PSG3: variants seen among roughly 807,000 people sequenced by gnomAD.
PSG3 encodes pregnancy specific beta-1-glycoprotein 3, also known as pregnancy-specific beta-1-glycoprotein 3.
Under a neutral mutation model 47.5 loss-of-function variants are expected in PSG3, and 61 were observed. The observed-to-expected ratio is 1.28, with a 90% CI of 1.05 to 1.59. PSG3 has a LOEUF of 1.59. PSG3 is among the 40% of genes most tolerant of loss of function. The pLI, the probability that PSG3 is intolerant of heterozygous loss-of-function variation, is 0.00. For missense variants in PSG3, 756 were observed against 524.0 expected (o/e 1.44, Z -4.32); for synonymous variants, 263 against 198.4 (o/e 1.33, Z -2.74).
intron 5 of PSG3, among the ~76,000 whole-genome samples, chr19:42,728,276 A>C (rs141872160): frequency 6.6e-6 from 1 of 152,086 alleles, no homozygotes; most frequent in African/African-American, 2.4e-5. Flanking sequence ...TAAAGTGTCC[A>C]GTAGTCTTAC....
In PSG3 at chr19:42,721,783, A is replaced by C. The variant is rs1353745536; in HGVS notation, c.*348T>G. The stretch of plus-strand genomic sequence containing the variant: ...TACTTTACCAATTGCTGAAGAAAAA[A>C]AGTGCATAAATCTGGAGAATAAAAC... On this transcript the variant is annotated 3_prime_UTR_variant, in exon 7 of 7. Coordinates refer to ENST00000327495, the MANE Select transcript of PSG3 (RefSeq NM_021016.4). The C allele has an allele frequency of 2.5e-6, 1 of 407,198 alleles. No homozygotes were observed. The highest frequency in any genetic ancestry group is 4.4e-6 in the Non-Finnish European group (1 of 224,886). The allele number at this position is 407,198 out of a possible 1,614,324, so 25.2% of individuals were successfully genotyped here. A position where few individuals can be genotyped will look rare whatever the true frequency, so the allele number is the denominator to read the frequency against.
intron 1 of PSG3, chr19:42,739,584 T>G (rs766755616): frequency 6.0e-6 from 1 of 166,456 alleles, no homozygotes; most frequent in African/African-American, 2.4e-5. Flanking sequence ...CAGGGACTTT[T>G]GTGATCTTCT....
chr19:42,729,778 A>G lies in PSG3; in HGVS notation c.988T>C (p.Tyr330His). ...RSYPVTLNVLYGPDLPRIYPS... is the reference protein window; with the variant it reads ...RSYPVTLNVLHGPDLPRIYPS... ...CCACAGAGGAACAAAAGATACTCAC[A>G]GAGGACATTCAGGGTGACTGGGTAA... Residue 330 changes from tyrosine (Y) to histidine (H), a missense_variant and splice_region_variant, in exon 4 of 7, where the codon TAT becomes CAT. Transcript: ENST00000327495. The G allele has an allele frequency of 6.2e-7, 1 of 1,613,586 alleles. No individual in the cohort carries two copies. The highest frequency in any genetic ancestry group is 8.5e-7 in the Non-Finnish European group (1 of 1,179,744).
rs766886576 is a variant in PSG3, at chr19:42,729,997, C to A, written c.769G>T (p.Val257Phe). The A allele has an allele frequency of 1.2e-5, 19 of 1,612,336 alleles. No individual in the cohort carries two copies. The South Asian group carries it at 1.8e-4, about 15-fold the overall frequency. ...NNLNPRENKDVLAFTCEPKSE... is the reference protein window; with the variant it reads ...NNLNPRENKDFLAFTCEPKSE... ...TTAGGTTCACAGGTGAAGGCTAAGA[C>A]ATCCTTATTCTCCCTGGGGTTTAAG... The change falls in exon 4 of 7, where the codon GTC becomes TTC. Residue 257 changes from valine to phenylalanine, a missense_variant. Coordinates refer to ENST00000327495, the MANE Select transcript of PSG3 (RefSeq NM_021016.4).
intron 6 of PSG3, 28 bp downstream of exon 6, chr19:42,723,914 A>G: frequency 6.6e-7 from 1 of 1,514,764 alleles, no homozygotes; most frequent in Non-Finnish European, 9.2e-7. Flanking sequence ...CCCTGCAGGA[A>G]CCAGGATAAG....
In PSG3 at chr19:42,738,876, G is replaced by C. The variant is rs138626640; in HGVS notation, c.278C>G (p.Pro93Arg). The C allele has an allele frequency of 1.2e-4, 192 of 1,614,080 alleles. 1 individual carries two copies. The African/African-American group carries it at 2.4e-3, about 20-fold the overall frequency. ...TACTGTTTCTCGTCCACTGTATGCA[G>C]GCCCATATATAATTATTTGACCATC... ...VVDGQIIIYG[P>R]AYSGRETVYS... The change falls in exon 2 of 7, where the codon CCT becomes CGT. Residue 93 changes from proline to arginine, a missense_variant. Physicochemically the swap from Pro to Arg is moderately radical, Grantham distance 103. Coordinates refer to ENST00000327495, the MANE Select transcript of PSG3 (RefSeq NM_021016.4).
At position 42,738,864 on chromosome 19, in the gene PSG3, C is replaced by T; in HGVS notation, c.290G>A (p.Gly97Glu). The T allele has an allele frequency of 1.9e-6, 3 of 1,614,148 alleles. No individual in the cohort carries two copies. Among genetic ancestry groups the T allele is most frequent in the Non-Finnish European group, 2.5e-6 (3 of 1,180,010 alleles). ...TGCATTGGAATATACTGTTTCTCGT[C>T]CACTGTATGCAGGCCCATATATAAT... is the stretch of plus-strand genomic sequence containing the variant. ...QIIIYGPAYSGRETVYSNASL... is the reference protein window; with the variant it reads ...QIIIYGPAYSERETVYSNASL... Residue 97 changes from glycine to glutamate, a missense_variant, in exon 2 of 7, where the codon GGA (glycine) becomes GAA (glutamate). By Grantham distance (98) the Gly-to-Glu change is moderately conservative. Coordinates refer to ENST00000327495, the MANE Select transcript of PSG3 (RefSeq NM_021016.4).
rs2122201806 is a variant in PSG3 at position 42,738,952 on chromosome 19, A to G, written c.202T>C (p.Tyr68His). ...TAGAGGTCCTTCATTTGCCCTTTGT[A>G]CCAGATGTAGCCAGCAAGATTCTGG... ...LPQNLAGYIW[Y>H]KGQMKDLYHY... Residue 68 changes from tyrosine (Y) to histidine (H), a missense_variant, in exon 2 of 7, where the codon TAC (tyrosine) becomes CAC (histidine). Coordinates refer to ENST00000327495, the MANE Select transcript of PSG3 (RefSeq NM_021016.4). The G allele has an allele frequency of 6.2e-7, 1 of 1,614,024 alleles. No homozygotes were observed. The highest frequency in any genetic ancestry group is 8.5e-7 in the Non-Finnish European group (1 of 1,179,968).
intron 2 of PSG3, among the ~76,000 whole-genome samples, chr19:42,735,502 G>C (rs888879081): frequency 2.6e-5 from 4 of 152,078 alleles, no homozygotes; most frequent in African/African-American, 9.7e-5. Context: ...AAATAGCTGG[G>C]ACTACAAGCG....
chr19:42,728,467 T>A (rs1969410693), intron 5 of PSG3, among the ~76,000 whole-genome samples: 1 of 152,190 alleles, frequency 6.6e-6, no homozygotes, highest in Admixed American at 6.5e-5. Context: ...CTCAGGAGTC[T>A]GCCCTGAGGC....
chr19:42,729,923 C>T lies in PSG3; in HGVS notation c.843G>A (p.Pro281=), dbSNP rs776940407. The T allele has an allele frequency of 1.8e-4, 288 of 1,612,054 alleles. 1 individual carries two copies. Among genetic ancestry groups the T allele is most frequent in the South Asian group, 2.4e-4 (22 of 90,990 alleles). ...YIWWLNGQSL[P]VSPRVKRPIE... The stretch of plus-strand genomic sequence containing the variant: ...TGGGTCGCTTTACCCTGGGACTGAC[C>T]GGGAGGCTCTGACCATTTAGCCACC... The change falls in exon 4 of 7, where the codon CCG becomes CCA. Residue 281 remains proline (P), a synonymous_variant. Coordinates refer to ENST00000327495, the MANE Select transcript of PSG3 (RefSeq NM_021016.4).
chr19:42,725,631 A>G (rs780547690), intron 5 of PSG3, among the ~76,000 whole-genome samples: 5 of 152,158 alleles, frequency 3.3e-5, no homozygotes, highest in Non-Finnish European at 5.9e-5. Context: ...AAGTCACAGC[A>G]GAAGGATTTC....
intron 2 of PSG3, among the ~76,000 whole-genome samples, chr19:42,737,913 T>C (rs1282862977): frequency 6.6e-6 from 1 of 152,246 alleles, no homozygotes; most frequent in African/African-American, 2.4e-5. Flanking sequence ...GACCTAATTC[T>C]TGGCACAGTG....
At chr19:42,735,504 C>G (rs1021301240) in intron 2 of PSG3, among the ~76,000 whole-genome samples, 9 of 152,084 alleles carry the variant, frequency 5.9e-5, no homozygotes, top group African/African-American at 2.2e-4. Flanking sequence ...ATAGCTGGGA[C>G]TACAAGCGCC....
chr19:42,737,272 T>C (rs1969580472), intron 2 of PSG3, among the ~76,000 whole-genome samples: 1 of 152,136 alleles, frequency 6.6e-6, no homozygotes, highest in Non-Finnish European at 1.5e-5. Flanking sequence ...CAGGTGTGGC[T>C]AGAACCTCCT....
In PSG3 at chr19:42,729,911, C is replaced by G; in HGVS notation, c.855G>C (p.Arg285Ser). 1.2e-6 allele frequency: 2 copies of G among 1,612,116 alleles called. No individual in the cohort carries two copies. Among genetic ancestry groups the G allele is most frequent in the Admixed American group, 1.7e-5 (1 of 60,010 alleles). Residue 285 changes from arginine to serine, a missense_variant, in exon 4 of 7, where the codon AGG becomes AGC. Arg to Ser is a moderately radical substitution (Grantham distance 110). Transcript: ENST00000327495. ...TCCTGTTTTCAATGGGTCGCTTTAC[C>G]CTGGGACTGACCGGGAGGCTCTGAC... ...LNGQSLPVSP[R>S]VKRPIENRIL...
intron 2 of PSG3, chr19:42,734,238 A>C (rs1466614629): frequency 1.3e-5 from 2 of 152,234 alleles, no homozygotes. Context: ...CAGAAAGCTT[A>C]AAACCAAGTG....
chr19:42,722,122 G>C (rs758519549), intron 6 of PSG3, 32 bp from the exon 7 acceptor site: 7 of 409,520 alleles, frequency 1.7e-5, no homozygotes, highest in Non-Finnish European at 3.1e-5. Flanking sequence ...AATGACTATG[G>C]TTAAAAATCT....
intron 6 of PSG3, among the ~76,000 whole-genome samples, chr19:42,723,240 C>T (rs1021874240): frequency 6.6e-6 from 1 of 152,160 alleles, no homozygotes; most frequent in Non-Finnish European, 1.5e-5. Flanking sequence ...TAGTTCTCCA[C>T]GAGGTCAGAT....
Sources: gnomAD v4.1 joint callset for allele counts (sites outside exome capture counted in the v4.1 genomes callset) on GRCh38, gnomAD v4.1.1 for gene constraint, MANE v1.5 for transcripts, NCBI Gene and HGNC (gene_info 2026-07-23, HGNC 2026-07-21) for gene names.